The following DAB1 variants were observed in gnomAD, a reference collection of about 807,000 sequenced individuals.
The protein encoded by DAB1 is DAB adaptor protein 1.
Under a neutral mutation model 64.6 loss-of-function variants are expected in DAB1, and 15 were observed. The observed-to-expected ratio is 0.23, with a 90% CI of 0.16 to 0.36. The LOEUF is 0.36. Among genes scored for constraint, DAB1 ranks in the 10% least tolerant of loss-of-function variants. DAB1 has a pLI of 1.00. For synonymous variants in DAB1, 235 were observed against 251.9 expected, an observed-to-expected ratio of 0.93 and a Z score of 0.64; for missense variants, 596 against 706.7, an observed-to-expected ratio of 0.84 and a Z score of 1.78.
At chr1:58,127,537 G>A (rs1158169452) in intron 5 of DAB1, among the ~76,000 whole-genome samples, 1 of 151,996 alleles carries the variant, frequency 6.6e-6, no homozygotes, top group Non-Finnish European at 1.5e-5. Context: ...CCTTGCCCAT[G>A]CCTATGTCCT....
At chr1:58,165,923 T>C (rs546585404) in intron 4 of DAB1, among the ~76,000 whole-genome samples, 1 of 152,350 alleles carries the variant, frequency 6.6e-6, no homozygotes, top group Non-Finnish European at 1.5e-5. Flanking sequence ...CTCCATGAGA[T>C]AGCTGTTGTT....
At chr1:57,232,172 T>G (rs1667725909) in intron 2 of DAB1, among the ~76,000 whole-genome samples, 1 of 151,848 alleles carries the variant, frequency 6.6e-6, no homozygotes, top group Non-Finnish European at 1.5e-5. Context: ...GGTTTTTATA[T>G]GACATGCAAG....
chr1:58,094,525 C>T lies in DAB1; in HGVS notation n.387+55986G>A, dbSNP rs566585370. Among the ~76,000 whole-genome samples the T allele has an allele frequency of 2.6e-5, 4 of 152,318 alleles. No homozygotes were observed. The South Asian group carries it at 8.3e-4, about 32-fold the overall frequency. On this transcript the variant is annotated intron_variant and non_coding_transcript_variant, in intron 5 of 20. Transcript: ENST00000485760. The stretch of plus-strand genomic sequence containing the variant: ...TCCAGCTCTGCCATTCATTTACTGA[C>T]AGCCTTGGTCAAAATCACCCAGCCT...
intron 5 of DAB1, among the ~76,000 whole-genome samples, chr1:58,013,587 T>C (rs1033194550): frequency 7.2e-5 from 11 of 152,208 alleles, no homozygotes; most frequent in African/African-American, 2.7e-4. Context: ...GGACAGTAAA[T>C]GTCAGGCACA....
chr1:58,462,269 G>A (rs1011007318), intron 3 of DAB1, among the ~76,000 whole-genome samples: 18 of 151,960 alleles, frequency 1.2e-4, no homozygotes, highest in Non-Finnish European at 4.4e-5. Context: ...TGGGACTACA[G>A]GCGCCCGCCA....
At chr1:57,141,708 T>A (rs1410455183) in intron 3 of DAB1, among the ~76,000 whole-genome samples, 2 of 152,174 alleles carry the variant, frequency 1.3e-5, no homozygotes, top group Non-Finnish European at 2.9e-5. Flanking sequence ...GGAGACCTCA[T>A]CCTTTTCCTT....
intron 1 of DAB1, among the ~76,000 whole-genome samples, chr1:57,838,041 T>C (rs1258133884): frequency 1.3e-5 from 2 of 152,066 alleles, no homozygotes; most frequent in Non-Finnish European, 2.9e-5. Flanking sequence ...ATAGGCACTC[T>C]GCTAAGCCTC....
chr1:58,382,148 A>G (rs1557745158), intron 3 of DAB1, among the ~76,000 whole-genome samples: 1 of 152,182 alleles, frequency 6.6e-6, no homozygotes, highest in Non-Finnish European at 1.5e-5. Flanking sequence ...TCAAATATCT[A>G]AAGATGGCAC....
chr1:57,179,806 AG>A (rs1167733911), intron 2 of DAB1, among the ~76,000 whole-genome samples: 1 of 152,216 alleles, frequency 6.6e-6, no homozygotes, highest in Non-Finnish European at 1.5e-5. Context: ...ACATGTCATA[AG>A]GAAAAGTACT....
chr1:58,062,789 C>T (rs1004389995), intron 5 of DAB1, among the ~76,000 whole-genome samples: 3 of 152,192 alleles, frequency 2.0e-5, no homozygotes, highest in African/African-American at 7.2e-5. Context: ...ACACCATGCT[C>T]GCCCTCACAC....
At chr1:57,406,983 T>A (rs978780311) in intron 1 of DAB1, among the ~76,000 whole-genome samples, 1 of 152,268 alleles carries the variant, frequency 6.6e-6, no homozygotes, top group African/African-American at 2.4e-5. Context: ...ATATCTCATA[T>A]CTACTTCCTC....
intron 3 of DAB1, among the ~76,000 whole-genome samples, chr1:58,442,270 C>A (rs1023299142): frequency 6.6e-6 from 1 of 152,144 alleles, no homozygotes; most frequent in Non-Finnish European, 1.5e-5. Flanking sequence ...TCAAGGGAAC[C>A]CCTGAATGGA....
intron 2 of DAB1, among the ~76,000 whole-genome samples, chr1:57,146,957 C>A (rs1659199355): frequency 6.6e-6 from 1 of 151,918 alleles, no homozygotes; most frequent in Non-Finnish European, 1.5e-5. Context: ...TGAGCAGTAA[C>A]TTCAGTGAGA....
intron 2 of DAB1, among the ~76,000 whole-genome samples, chr1:57,276,135 GT>G (rs1671440405): frequency 6.6e-6 from 1 of 152,276 alleles, no homozygotes; most frequent in Admixed American, 6.5e-5. Flanking sequence ...CAGACAGGAT[GT>G]CATGTGTTTG....
intron 3 of DAB1, among the ~76,000 whole-genome samples, chr1:58,490,844 C>T (rs1427342442): frequency 3.1e-5 from 4 of 127,934 alleles, no homozygotes; most frequent in East Asian, 2.6e-4. Flanking sequence ...CTCTCGCTCT[C>T]GCCCAGGCTG....
intron 11 of DAB1, among the ~76,000 whole-genome samples, chr1:57,018,943 C>G (rs141538910): frequency 8.9e-4 from 135 of 152,294 alleles, no homozygotes; most frequent in African/African-American, 3.0e-3. Flanking sequence ...AGCCATCCCC[C>G]TGCTTCTGTG....
chr1:57,992,318 T>C (rs12079792), intron 5 of DAB1, among the ~76,000 whole-genome samples: 3,012 of 152,250 alleles, frequency 0.02, 67 homozygotes, highest in African/African-American at 0.049. Flanking sequence ...GGAAACATGG[T>C]TGTGTCCCTT....
intron 2 of DAB1, among the ~76,000 whole-genome samples, chr1:58,525,229 T>C (rs1393847250): frequency 2.0e-5 from 3 of 152,184 alleles, no homozygotes; most frequent in African/African-American, 7.2e-5. Flanking sequence ...TTTTTCAATA[T>C]TTCTAAGCTA....
intron 7 of DAB1, among the ~76,000 whole-genome samples, chr1:57,634,875 G>C (rs1217392003): frequency 5.9e-5 from 9 of 152,220 alleles, no homozygotes; most frequent in African/African-American, 2.2e-4. Context: ...TGGCAATGGG[G>C]TGGGGAGGGT....
Sources: gnomAD v4.1 joint callset for allele counts (sites outside exome capture counted in the v4.1 genomes callset) on GRCh38, gnomAD v4.1.1 for gene constraint, MANE v1.5 for transcripts, NCBI Gene and HGNC (gene_info 2026-07-23, HGNC 2026-07-21) for gene names.